Variants in KHDRBS2 observed in about 807,000 individuals in gnomAD.
KHDRBS2 encodes the protein KH domain-containing, RNA-binding, signal transduction-associated protein 2.
In KHDRBS2, 26 loss-of-function variants were observed where a neutral mutation model predicts 44.3. The ratio of observed to expected loss-of-function variants is 0.59; its 90% CI spans 0.43 to 0.81. KHDRBS2 has a LOEUF of 0.81. Among genes scored for constraint, KHDRBS2 ranks in the 40% least tolerant of loss-of-function variants. The pLI, the probability that KHDRBS2 is intolerant of heterozygous loss-of-function variation, is 0.00. For synonymous variants in KHDRBS2, 194 were observed against 151.1 expected (o/e 1.28, Z -2.08); for missense variants, 476 against 433.1 (o/e 1.10, Z -0.88).
chr6:61,931,741 T>C (rs1031919793), intron 4 of KHDRBS2, among the ~76,000 whole-genome samples: 6 of 152,152 alleles, frequency 3.9e-5, no homozygotes, highest in African/African-American at 7.2e-5. Context: ...GGTCTACTTA[T>C]ATGCAGATTT....
At chr6:62,257,210 T>C (rs929945586) in intron 1 of KHDRBS2, among the ~76,000 whole-genome samples, 18 of 152,098 alleles carry the variant, frequency 1.2e-4, no homozygotes, top group Non-Finnish European at 2.5e-4. Flanking sequence ...AGCATTCTTC[T>C]AGACATATAG....
intron 6 of KHDRBS2, among the ~76,000 whole-genome samples, chr6:61,751,207 A>C (rs550209693): frequency 1.9e-4 from 29 of 152,224 alleles, no homozygotes; most frequent in African/African-American, 5.3e-4. Context: ...TATACCTTAC[A>C]TTTTCCATCA....
intron 2 of KHDRBS2, among the ~76,000 whole-genome samples, chr6:62,089,890 G>A (rs1799173510): frequency 6.6e-6 from 1 of 152,120 alleles, no homozygotes; most frequent in African/African-American, 2.4e-5. Context: ...CTAGGTCTAA[G>A]AAAAACTTAG....
chr6:61,991,608 G>A (rs926737967), intron 3 of KHDRBS2, among the ~76,000 whole-genome samples: 71 of 152,156 alleles, frequency 4.7e-4, no homozygotes, highest in Admixed American at 5.9e-4. Flanking sequence ...AGGGTGAGTC[G>A]TCACTGCCAA....
the KHDRBS2 span, among the ~76,000 whole-genome samples, chr6:61,669,736 T>G: frequency 6.6e-6 from 1 of 151,048 alleles, no homozygotes; most frequent in South Asian, 2.1e-4. Context: ...TATGTACTAT[T>G]ATTATCACCA....
At chr6:61,655,279 G>A in the KHDRBS2 span, among the ~76,000 whole-genome samples, 3 of 150,314 alleles carry the variant, frequency 2.0e-5, no homozygotes, top group African/African-American at 7.4e-5. Flanking sequence ...TTCTTGAGAA[G>A]GAGTTTTGCA....
At chr6:62,246,253 A>C (rs934504636) in intron 1 of KHDRBS2, among the ~76,000 whole-genome samples, 17 of 151,784 alleles carry the variant, frequency 1.1e-4, no homozygotes, top group Admixed American at 5.9e-4. Context: ...TGAAGTATCT[A>C]CAAAAGAGGA....
At position 61,736,357 on chromosome 6, in the gene KHDRBS2, C is replaced by A. The variant is rs567326084; in HGVS notation, c.811-3593G>T. 2.0e-5 allele frequency among the ~76,000 whole-genome samples: 3 copies of A among 151,746 alleles called. No homozygotes were observed. The South Asian group carries it at 6.3e-4, about 32-fold the overall frequency. ...CTTTGTGGTGGGACAAGGGTTAATA[C>A]CATAATTGGAGCTTTCTGGAGCTGC... On this transcript the variant is annotated intron_variant, in intron 6 of 8. Coordinates refer to ENST00000281156, the MANE Select transcript of KHDRBS2 (RefSeq NM_152688.4).
At chr6:61,759,018 T>C (rs1295502115) in intron 6 of KHDRBS2, among the ~76,000 whole-genome samples, 1 of 152,154 alleles carries the variant, frequency 6.6e-6, no homozygotes, top group Non-Finnish European at 1.5e-5. Flanking sequence ...AAAGAATTTA[T>C]GTGGCATAGT....
At chr6:62,114,192 A>G (rs1316068266) in intron 2 of KHDRBS2, among the ~76,000 whole-genome samples, 4 of 152,090 alleles carry the variant, frequency 2.6e-5, no homozygotes, top group Non-Finnish European at 4.4e-5. Flanking sequence ...ACAATTCAAG[A>G]TGAGATTTGG....
intron 2 of KHDRBS2, among the ~76,000 whole-genome samples, chr6:62,161,960 ATAT>A (rs1036706475): frequency 2.0e-5 from 3 of 152,008 alleles, no homozygotes; most frequent in Non-Finnish European, 2.9e-5. Flanking sequence ...ACATCTTTAT[ATAT>A]TATATGCCCC....
intron 1 of KHDRBS2, among the ~76,000 whole-genome samples, chr6:62,250,895 T>C (rs1296631333): frequency 6.6e-6 from 1 of 151,928 alleles, no homozygotes; most frequent in Admixed American, 6.6e-5. Flanking sequence ...ATGTTTTAGA[T>C]AAAGGAGGCT....
intron 6 of KHDRBS2, among the ~76,000 whole-genome samples, chr6:61,766,109 G>GT: frequency 7.8e-6 from 1 of 127,434 alleles, no homozygotes; most frequent in Non-Finnish European, 1.8e-5. Flanking sequence ...CCGTGTTCAG[G>GT]CTTTTTTTTT....
intron 1 of KHDRBS2, among the ~76,000 whole-genome samples, chr6:62,271,682 C>T (rs1384879789): frequency 6.6e-6 from 1 of 151,480 alleles, no homozygotes; most frequent in Non-Finnish European, 1.5e-5. Context: ...CTTGTATAGT[C>T]CTAGGCTAAT....
At chr6:62,250,519 G>A (rs1325215964) in intron 1 of KHDRBS2, among the ~76,000 whole-genome samples, 1 of 151,984 alleles carries the variant, frequency 6.6e-6, no homozygotes, top group African/African-American at 2.4e-5. Flanking sequence ...AAGAAGGAAG[G>A]AAGAAGGGAG....
intron 3 of KHDRBS2, among the ~76,000 whole-genome samples, chr6:61,995,406 G>T (rs1380678489): frequency 6.6e-6 from 1 of 152,102 alleles, no homozygotes; most frequent in African/African-American, 2.4e-5. Flanking sequence ...GATAGAAGAG[G>T]TATTGGCTCA....
Position 62,166,253 on chromosome 6 carries a change from C to A in KHDRBS2, c.219+10932G>T, listed in dbSNP as rs566495533. ...GGATATTTGGGCTGTTTTTATCTTT[C>A]GGCTATTGTGAATAATACCTCTATG... On this transcript the variant is annotated intron_variant, in intron 2 of 8. Coordinates refer to ENST00000281156, the MANE Select transcript of KHDRBS2 (RefSeq NM_152688.4). Among the ~76,000 whole-genome samples, 4 of 151,868 alleles carry A rather than the reference C, an allele frequency of 2.6e-5. No homozygotes were observed. In the East Asian group the frequency reaches 7.7e-4, roughly 29 times the overall value.
chr6:61,782,425 T>TA, intron 6 of KHDRBS2, among the ~76,000 whole-genome samples: 1 of 152,052 alleles, frequency 6.6e-6, no homozygotes, highest in East Asian at 1.9e-4. Flanking sequence ...CAGGAACTCT[T>TA]AGTTTATTTT....
the KHDRBS2 span, among the ~76,000 whole-genome samples, chr6:61,571,492 G>A: frequency 6.8e-6 from 1 of 147,384 alleles, no homozygotes; most frequent in East Asian, 2.0e-4. Flanking sequence ...ATATTCCACT[G>A]ACAGCAATAG....
Sources: allele counts gnomAD v4.1 joint callset (sites outside exome capture counted in the v4.1 genomes callset), GRCh38; gene constraint gnomAD v4.1.1; transcripts MANE v1.5; gene names NCBI Gene and HGNC (gene_info 2026-07-23, HGNC 2026-07-21).